Variants in SARAF observed in about 807,000 individuals in gnomAD.
SARAF encodes the protein store-operated calcium entry-associated regulatory factor.
SARAF carries 23 observed loss-of-function variants against 39.7 expected under a neutral mutation model. That is an observed-to-expected ratio of 0.58 (90% CI 0.42 to 0.82). SARAF has a LOEUF of 0.82. Among genes scored for constraint, SARAF ranks in the 40% least tolerant of loss-of-function variants. SARAF has a pLI of 0.00. For synonymous variants in SARAF, 175 were observed against 168.5 expected (o/e 1.04, Z -0.30); for missense variants, 384 against 418.5 (o/e 0.92, Z 0.72).
At chr8:30,083,142 G>C, upstream of SARAF, 1 of 495,612 alleles carries the variant, frequency 2.0e-6, no homozygotes, top group South Asian at 2.7e-5. Context: ...GTGGGGCTCA[G>C]TGAGTGGCCG....
At chr8:30,064,392 A>C (rs535654550) in intron 5 of SARAF, among the ~76,000 whole-genome samples, 37 of 151,620 alleles carry the variant, frequency 2.4e-4, no homozygotes, top group African/African-American at 8.0e-4. Context: ...AAGTCTCTCA[A>C]TTATTTTCAG....
intron 1 of SARAF, chr8:30,082,452 G>T (rs972872122): frequency 3.0e-5 from 5 of 168,594 alleles, no homozygotes; most frequent in Non-Finnish European, 6.4e-5. Context: ...GCCGGCGATA[G>T]CAACAGGCAG....
At chr8:30,070,681 C>T (rs1160935386) in intron 2 of SARAF, among the ~76,000 whole-genome samples, 1 of 152,082 alleles carries the variant, frequency 6.6e-6, no homozygotes, top group Non-Finnish European at 1.5e-5. Context: ...AGCAAACTGC[C>T]AAAATGTCAA....
rs1563349431 is a variant in SARAF at position 30,063,831 on chromosome 8, G to A, written c.*57C>T. 6.7e-7 allele frequency: 1 copy of A among 1,482,112 alleles called. No individual in the cohort carries two copies. Among genetic ancestry groups the A allele is most frequent in the South Asian group, 1.1e-5 (1 of 87,898 alleles). The allele number at this position is 1,482,112 out of a possible 1,614,324, so 91.8% of individuals were successfully genotyped here. A position where few individuals can be genotyped will look rare whatever the true frequency, so the allele number is the denominator to read the frequency against. On this transcript the variant is annotated 3_prime_UTR_variant, in exon 6 of 6. Coordinates refer to ENST00000256255, the MANE Select transcript of SARAF (RefSeq NM_016127.6). ...ACAGGTAGTACTTTTTTTCTAAAGA[G>A]AAAGTGATGAAAAATCCAAAATTTC...
At chr8:30,079,804 A>C (rs1440792358) in intron 1 of SARAF, among the ~76,000 whole-genome samples, 1 of 152,242 alleles carries the variant, frequency 6.6e-6, no homozygotes, top group East Asian at 1.9e-4. Flanking sequence ...GAAAGTTTTA[A>C]GATGGAATAG....
chr8:30,075,617 G>T (rs969894966), intron 1 of SARAF, among the ~76,000 whole-genome samples: 1 of 152,156 alleles, frequency 6.6e-6, no homozygotes, highest in African/African-American at 2.4e-5. Flanking sequence ...TTTTCAAACT[G>T]ATAGTATCCT....
chr8:30,080,157 AG>A (rs1585447493), intron 1 of SARAF, among the ~76,000 whole-genome samples: 2 of 152,190 alleles, frequency 1.3e-5, no homozygotes, highest in Admixed American at 6.5e-5. Flanking sequence ...ACAGGTGACA[AG>A]AGAATCCAGC....
chr8:30,065,917 T>C (rs1172385869), intron 5 of SARAF, 71 bp downstream of exon 5: 1 of 1,550,604 alleles, frequency 6.4e-7, no homozygotes, highest in Non-Finnish European at 8.8e-7. Context: ...CAGATAATCA[T>C]CTTCTAAAGT....
At chr8:30,067,933 G>A (rs972195757) in intron 3 of SARAF, among the ~76,000 whole-genome samples, 5 of 152,046 alleles carry the variant, frequency 3.3e-5, no homozygotes, top group Admixed American at 1.3e-4. Flanking sequence ...AACTCCTACC[G>A]GCAAAGTATG....
At chr8:30,078,782 G>T (rs549848932) in intron 1 of SARAF, among the ~76,000 whole-genome samples, 16 of 152,254 alleles carry the variant, frequency 1.1e-4, no homozygotes, top group African/African-American at 3.4e-4. Context: ...TTTGGGGAAA[G>T]AAATTATGTT....
intron 1 of SARAF, among the ~76,000 whole-genome samples, chr8:30,078,899 G>A (rs1328773742): frequency 6.6e-6 from 1 of 152,062 alleles, no homozygotes; most frequent in Middle Eastern, 3.2e-3. Flanking sequence ...GCTCACGTCT[G>A]TAACCCCAGC....
chr8:30,069,641 C>A lies in SARAF; in HGVS notation c.700+1G>T. On this transcript the variant is annotated splice_donor_variant, in intron 3 of 5. Coordinates refer to ENST00000256255, the MANE Select transcript of SARAF (RefSeq NM_016127.6). LOFTEE classifies it high-confidence loss of function. ...TTATGGCCACTGCGAGGGAAACATA[C>A]CTGTGAACTCAGACTTAAAGCCTGG... 1 of 1,613,498 alleles carries A rather than the reference C, an allele frequency of 6.2e-7. No homozygotes were observed. The highest frequency in any genetic ancestry group is 8.5e-7 in the Non-Finnish European group (1 of 1,179,642).
rs142929634 is a variant in SARAF at position 30,064,282 on chromosome 8, C to T, written c.995-369G>A. On this transcript the variant is annotated intron_variant, in intron 5 of 5. Coordinates refer to ENST00000256255, the MANE Select transcript of SARAF (RefSeq NM_016127.6). ...CTCTCACAACTCCAGTGGTAAGAGA[C>T]GTAATGTGGGGAGGGTTACGGACTT... is the stretch of plus-strand genomic sequence containing the variant. Among the ~76,000 whole-genome samples the T allele has an allele frequency of 3.8e-4, 58 of 152,118 alleles. 1 individual carries two copies. The East Asian group carries it at 9.5e-3, about 25-fold the overall frequency.
At chr8:30,065,633 T>G in intron 5 of SARAF, 1 of 222,924 alleles carries the variant, frequency 4.5e-6, no homozygotes, top group Non-Finnish European at 9.2e-6. Context: ...AAAGTATACC[T>G]CAATATCTTT....
intron 2 of SARAF, 129 bp downstream of exon 2, chr8:30,073,748 T>C (rs958727875): frequency 1.5e-6 from 1 of 674,698 alleles, no homozygotes; most frequent in Non-Finnish European, 2.4e-6. Flanking sequence ...GAGTGATTGA[T>C]TTACTTACAT....
chr8:30,081,712 CA>C (rs1371472987), intron 1 of SARAF, among the ~76,000 whole-genome samples: 1 of 139,672 alleles, frequency 7.2e-6, no homozygotes, highest in African/African-American at 2.7e-5. Context: ...CTTCGCAAAG[CA>C]AAAATGATGT....
Position 30,066,159 on chromosome 8 carries a change from G to A in SARAF, c.843-20C>T, listed in dbSNP as rs1409202144. 1.9e-6 allele frequency: 3 copies of A among 1,552,074 alleles called. No individual in the cohort carries two copies. The highest frequency in any genetic ancestry group is 1.8e-5 in the Admixed American group (1 of 55,368). ...GCCGCTCTTTAAAGGGATAAAAGTA[G>A]GTTAGGCATTTTTTTCTTGTGGCTA... On this transcript the variant is annotated intron_variant, in intron 4 of 5. Coordinates refer to ENST00000256255, the MANE Select transcript of SARAF (RefSeq NM_016127.6).
chr8:30,075,504 G>C (rs2117437479), intron 1 of SARAF, among the ~76,000 whole-genome samples: 1 of 152,228 alleles, frequency 6.6e-6, no homozygotes, highest in South Asian at 2.1e-4. Context: ...AGCAATTTCA[G>C]TTCTGCCAAC....
chr8:30,082,276 T>G (rs1212597301), intron 1 of SARAF: 1 of 151,506 alleles, frequency 6.6e-6, no homozygotes, highest in Non-Finnish European at 1.5e-5. Context: ...AGGCGGAGGT[T>G]GCAGTGAGCC....
Sources: gnomAD v4.1 joint callset for allele counts (sites outside exome capture counted in the v4.1 genomes callset) on GRCh38, gnomAD v4.1.1 for gene constraint, MANE v1.5 for transcripts, NCBI Gene and HGNC (gene_info 2026-07-23, HGNC 2026-07-21) for gene names.